Variants in MYO16 observed in about 807,000 individuals in gnomAD.
MYO16 encodes unconventional myosin-XVI.
Under a neutral mutation model 205.3 loss-of-function variants are expected in MYO16, and 94 were observed. The ratio of observed to expected loss-of-function variants is 0.46; its 90% confidence interval spans 0.39 to 0.54. MYO16 has a LOEUF of 0.54. Ranked by LOEUF, MYO16 falls within the 20% of genes least tolerant of loss-of-function variation. MYO16 has a pLI of 0.00. For synonymous variants in MYO16, 988 were observed against 954.0 expected, an observed-to-expected ratio of 1.04 and a Z score of -0.66; for missense variants, 2,315 against 2,387.5, an observed-to-expected ratio of 0.97 and a Z score of 0.63.
chr13:108,940,780 C>G (rs1594412341), intron 16 of MYO16, among the ~76,000 whole-genome samples: 1 of 152,204 alleles, frequency 6.6e-6, no homozygotes, highest in African/African-American at 2.4e-5. Flanking sequence ...GCCTGTTAGC[C>G]TCTCTGGTAT....
chr13:108,503,700 G>T, the MYO16 span, among the ~76,000 whole-genome samples: 2 of 152,198 alleles, frequency 1.3e-5, no homozygotes, highest in Middle Eastern at 3.4e-3. Flanking sequence ...CATCCTCAAT[G>T]ATATGAGGTG....
chr13:108,858,908 GGT>G (rs1878324026), intron 11 of MYO16, among the ~76,000 whole-genome samples: 1 of 152,112 alleles, frequency 6.6e-6, no homozygotes, highest in Non-Finnish European at 1.5e-5. Flanking sequence ...TGCTGGCCTT[GGT>G]GTCTCATGAG....
At chr13:108,608,073 G>A (rs1311589443) in intron 1 of MYO16, among the ~76,000 whole-genome samples, 1 of 152,168 alleles carries the variant, frequency 6.6e-6, no homozygotes, top group Non-Finnish European at 1.5e-5. Context: ...ACAGCACTTT[G>A]TAATTCTAAC....
chr13:108,929,670 A>G (rs998029253), intron 16 of MYO16, among the ~76,000 whole-genome samples: 3 of 152,296 alleles, frequency 2.0e-5, no homozygotes, highest in East Asian at 3.9e-4. Flanking sequence ...AAATTCCAGA[A>G]TCTAGTGGGT....
chr13:108,702,636 T>TA (rs1454385203), intron 2 of MYO16, among the ~76,000 whole-genome samples: 1 of 152,082 alleles, frequency 6.6e-6, no homozygotes, highest in African/African-American at 2.4e-5. Flanking sequence ...TAAGTAAATA[T>TA]AAAAAAACAG....
At chr13:108,729,609 T>C (rs1884456865) in intron 4 of MYO16, among the ~76,000 whole-genome samples, 1 of 152,202 alleles carries the variant, frequency 6.6e-6, no homozygotes, top group South Asian at 2.1e-4. Context: ...AAGCTCTTTC[T>C]TCCTGCATGC....
chr13:108,989,289 A>T (rs1285349020), intron 20 of MYO16, among the ~76,000 whole-genome samples: 1 of 152,162 alleles, frequency 6.6e-6, no homozygotes, highest in Non-Finnish European at 1.5e-5. Flanking sequence ...TTGTTCATGA[A>T]CATTTCCTAT....
At chr13:108,964,990 G>A in intron 20 of MYO16, 88 bp downstream of exon 20, 1 of 1,337,544 alleles carries the variant, frequency 7.5e-7, no homozygotes, top group Non-Finnish European at 1.0e-6. Context: ...CATATTACAG[G>A]GTAACCAATA....
chr13:108,643,348 A>G (rs1250373866), intron 1 of MYO16, among the ~76,000 whole-genome samples: 1 of 152,140 alleles, frequency 6.6e-6, no homozygotes, highest in African/African-American at 2.4e-5. Context: ...CCTTTTAATT[A>G]CTGAGTGGTG....
chr13:108,766,351 C>T (rs1885776143), intron 4 of MYO16, among the ~76,000 whole-genome samples: 1 of 152,154 alleles, frequency 6.6e-6, no homozygotes, highest in African/African-American at 2.4e-5. Flanking sequence ...AAGAATAATT[C>T]CCTCGTTTAT....
intron 23 of MYO16, among the ~76,000 whole-genome samples, chr13:109,035,677 C>T (rs1220400602): frequency 4.6e-5 from 7 of 152,120 alleles, no homozygotes; most frequent in Admixed American, 2.6e-4. Flanking sequence ...AAGTGAGACT[C>T]TGCTTCAAAA....
At chr13:109,101,115 C>T (rs1405779377) in intron 28 of MYO16, 2 of 468,924 alleles carry the variant, frequency 4.3e-6, no homozygotes, top group East Asian at 3.5e-5. Flanking sequence ...CCCTTTACAA[C>T]ATGACAGAAG....
chr13:108,920,538 A>G (rs1881698800), intron 16 of MYO16, among the ~76,000 whole-genome samples: 1 of 152,100 alleles, frequency 6.6e-6, no homozygotes, highest in Non-Finnish European at 1.5e-5. Flanking sequence ...AGCTCACTGC[A>G]ATCTCCACCT....
intron 1 of MYO16, among the ~76,000 whole-genome samples, chr13:108,663,390 C>G (rs1255810505): frequency 6.6e-6 from 1 of 151,874 alleles, no homozygotes; most frequent in Non-Finnish European, 1.5e-5. Context: ...CACAGCTGAC[C>G]CACTTGGACT....
intron 1 of MYO16, among the ~76,000 whole-genome samples, chr13:108,643,769 C>T (rs1880615314): frequency 6.6e-6 from 1 of 152,102 alleles, no homozygotes; most frequent in Non-Finnish European, 1.5e-5. Context: ...TATTCAAAGA[C>T]AAGTTTGTTT....
At chr13:108,803,575 T>C (rs1887027245) in intron 6 of MYO16, among the ~76,000 whole-genome samples, 1 of 152,166 alleles carries the variant, frequency 6.6e-6, no homozygotes, top group South Asian at 2.1e-4. Flanking sequence ...AATGACCAAA[T>C]GACCCTGTTG....
chr13:108,682,300 G>C (rs1254359952), intron 2 of MYO16, among the ~76,000 whole-genome samples: 1 of 152,136 alleles, frequency 6.6e-6, no homozygotes, highest in Non-Finnish European at 1.5e-5. Context: ...TGAATACAGT[G>C]GTTCATTTTC....
chr13:109,126,544 A>G (rs996157938), intron 30 of MYO16, among the ~76,000 whole-genome samples: 1 of 152,206 alleles, frequency 6.6e-6, no homozygotes, highest in Admixed American at 6.5e-5. Flanking sequence ...AATAATATTT[A>G]TTATTTTCTC....
intron 10 of MYO16, among the ~76,000 whole-genome samples, chr13:108,844,971 G>C (rs551774818): frequency 6.6e-6 from 1 of 152,184 alleles, no homozygotes; most frequent in African/African-American, 2.4e-5. Context: ...ATGTGTACTT[G>C]TCTGGTGCCT....
Sources: allele counts gnomAD v4.1 joint callset (sites outside exome capture counted in the v4.1 genomes callset), GRCh38; gene constraint gnomAD v4.1.1; transcripts MANE v1.5; gene names NCBI Gene and HGNC (gene_info 2026-07-23, HGNC 2026-07-21).